Variants in RBM46 observed in about 807,000 individuals in gnomAD.
The protein encoded by RBM46 is RNA binding motif protein 46.
In RBM46, 12 loss-of-function variants were observed where a neutral mutation model predicts 43.3. That is an observed-to-expected ratio of 0.28 (90% CI 0.18 to 0.45). The LOEUF is 0.45. RBM46 is among the 20% of genes least tolerant of loss of function. RBM46 has a pLI of 1.00. For missense variants in RBM46, 412 were observed against 639.1 expected (o/e 0.64, Z 3.83); for synonymous variants, 205 against 207.6 (o/e 0.99, Z 0.11).
intron 1 of RBM46, among the ~76,000 whole-genome samples, chr4:154,787,604 G>A (rs1403856483): frequency 6.6e-6 from 1 of 152,092 alleles, no homozygotes; most frequent in Non-Finnish European, 1.5e-5. Flanking sequence ...TGGGGTTGGT[G>A]TGAAGTCTTT....
intron 4 of RBM46, among the ~76,000 whole-genome samples, chr4:154,808,516 G>GCCA (rs1735023336): frequency 1.3e-5 from 2 of 151,808 alleles, no homozygotes; most frequent in Non-Finnish European, 2.9e-5. Flanking sequence ...CAGATTATGG[G>GCCA]GTAAATGAAT....
Position 154,781,346 on chromosome 4 carries a change from T to A in RBM46, c.-102T>A, listed in dbSNP as rs1733448609. On this transcript the variant is annotated 5_prime_UTR_variant, in exon 1 of 5. Transcript: ENST00000281722. ...ACCCTCCCCCTGCGACGACCCCCCC[T>A]CGCTCTGACCGACTGGTCCCCTAAA... 6.6e-6 allele frequency: 1 copy of A among 152,084 alleles called. No individual in the cohort carries two copies. Among genetic ancestry groups the A allele is most frequent in the South Asian group, 2.1e-4 (1 of 4,816 alleles). The allele number at this position is 152,084 out of a possible 1,614,324, so 9.4% of individuals were successfully genotyped here.
At chr4:154,823,486 C>T (rs557086575) in intron 4 of RBM46, among the ~76,000 whole-genome samples, 1 of 151,624 alleles carries the variant, frequency 6.6e-6, no homozygotes, top group Non-Finnish European at 1.5e-5. Context: ...TAAAGAGTAT[C>T]TAGTCAGAAA....
chr4:154,828,046 C>T lies in RBM46; in HGVS notation c.1581C>T (p.Ser527=). 1.2e-6 allele frequency: 2 copies of T among 1,612,218 alleles called. No homozygotes were observed. The highest frequency in any genetic ancestry group is 1.7e-6 in the Non-Finnish European group (2 of 1,178,294). The change falls in exon 5 of 5, where the codon TCC becomes TCT. Residue 527 remains serine, a synonymous_variant. Coordinates refer to ENST00000281722, the MANE Select transcript of RBM46 (RefSeq NM_144979.5). ...GSHVGQRLCI[S]NQASFF ...ATGTTGGACAGCGGCTATGTATCTC[C>T]AATCAGGCCTCCTTCTTCTGAAGAA...
chr4:154,827,185 AT>A (rs1380143338), intron 4 of RBM46: 1 of 888,436 alleles, frequency 1.1e-6, no homozygotes, highest in Non-Finnish European at 1.4e-6. Flanking sequence ...TTTTTTAATA[AT>A]TTGGTTTAAT....
chr4:154,799,293 G>A lies in RBM46; in HGVS notation c.1131G>A (p.Lys377=). Reference sequence around the variant, plus strand: ...CTTACCCTTTTTATCCTGGAACAAAGCTTACTCCAATTAGTATGTATTCTT... The same window carrying A: ...CTTACCCTTTTTATCCTGGAACAAAACTTACTCCAATTAGTATGTATTCTT... ...RCTYPFYPGT[K]LTPISMYSLK... The change falls in exon 4 of 5, where the codon AAG becomes AAA. Residue 377 remains lysine, a synonymous_variant. Transcript: ENST00000281722. 6.2e-7 allele frequency: 1 copy of A among 1,614,122 alleles called. No individual in the cohort carries two copies.
chr4:154,785,136 CTT>C (rs1378981533), intron 1 of RBM46, among the ~76,000 whole-genome samples: 4 of 151,510 alleles, frequency 2.6e-5, no homozygotes, highest in Admixed American at 6.6e-5. Flanking sequence ...TTCAGTGTGT[CTT>C]TTACTTCTGT....
At chr4:154,816,047 T>C (rs971233961) in intron 4 of RBM46, among the ~76,000 whole-genome samples, 1 of 152,126 alleles carries the variant, frequency 6.6e-6, no homozygotes, top group Non-Finnish European at 1.5e-5. Context: ...ATACACTGCC[T>C]TCTAATATAC....
intron 4 of RBM46, among the ~76,000 whole-genome samples, chr4:154,805,603 A>T (rs893792978): frequency 6.6e-6 from 1 of 152,016 alleles, no homozygotes; most frequent in Non-Finnish European, 1.5e-5. Flanking sequence ...CTTTTGTGAA[A>T]GTATACTATT....
intron 1 of RBM46, among the ~76,000 whole-genome samples, chr4:154,788,999 T>A (rs1733936790): frequency 6.6e-6 from 1 of 152,214 alleles, no homozygotes; most frequent in Non-Finnish European, 1.5e-5. Context: ...TGTATAAGAA[T>A]GCTTGTGATT....
At chr4:154,801,158 A>G (rs1560900595) in intron 4 of RBM46, among the ~76,000 whole-genome samples, 1 of 151,750 alleles carries the variant, frequency 6.6e-6, no homozygotes. Context: ...TTTGTATTTT[A>G]AGTAGAGACA....
intron 4 of RBM46, among the ~76,000 whole-genome samples, chr4:154,821,420 C>T (rs929167459): frequency 2.7e-4 from 41 of 151,706 alleles, no homozygotes; most frequent in African/African-American, 9.9e-4. Context: ...ATACTGAAGC[C>T]TACCTGGATT....
chr4:154,808,581 G>A (rs987563819), intron 4 of RBM46, among the ~76,000 whole-genome samples: 1 of 151,432 alleles, frequency 6.6e-6, no homozygotes, highest in Non-Finnish European at 1.5e-5. Flanking sequence ...TTTTTTTCCT[G>A]CTGCTGCCCA....
At chr4:154,804,283 A>C (rs551199095) in intron 4 of RBM46, among the ~76,000 whole-genome samples, 45 of 152,324 alleles carry the variant, frequency 3.0e-4, no homozygotes, top group African/African-American at 1.1e-3. Context: ...AATATTTGCT[A>C]TATGGAGATA....
At chr4:154,820,212 A>T in intron 4 of RBM46, 1 of 434,270 alleles carries the variant, frequency 2.3e-6, no homozygotes, top group African/African-American at 2.1e-5. Flanking sequence ...AGAAATAACT[A>T]TTTGCCCCTT....
intron 4 of RBM46, among the ~76,000 whole-genome samples, chr4:154,801,825 C>T (rs552115059): frequency 1.3e-5 from 2 of 152,104 alleles, no homozygotes; most frequent in African/African-American, 4.8e-5. Flanking sequence ...ATAGTTAAAC[C>T]GATAGTTCCC....
At chr4:154,797,739 T>C in intron 2 of RBM46, 72 bp from the exon 3 acceptor site, 1 of 1,061,020 alleles carries the variant, frequency 9.4e-7, no homozygotes. Context: ...ATTTGTTGAA[T>C]GAATATATGA....
chr4:154,791,615 T>A (rs1734097964), intron 1 of RBM46, among the ~76,000 whole-genome samples: 1 of 152,052 alleles, frequency 6.6e-6, no homozygotes, highest in Admixed American at 6.6e-5. Context: ...AAAATCAAGA[T>A]CGAAATGTGA....
intron 4 of RBM46, among the ~76,000 whole-genome samples, chr4:154,825,207 G>A (rs1735903168): frequency 6.6e-6 from 1 of 151,962 alleles, no homozygotes; most frequent in Admixed American, 6.6e-5. Flanking sequence ...CTAGGGGTGG[G>A]CAAATAAGTA....
Sources: allele counts gnomAD v4.1 joint callset (sites outside exome capture counted in the v4.1 genomes callset), GRCh38; gene constraint gnomAD v4.1.1; transcripts MANE v1.5; gene names NCBI Gene and HGNC (gene_info 2026-07-23, HGNC 2026-07-21).